Variants in RAD21 observed in about 807,000 individuals in gnomAD.
The protein encoded by RAD21 is double-strand-break repair protein rad21 homolog.
In RAD21, 18 loss-of-function variants were observed where a neutral mutation model predicts 71.5. That is an observed-to-expected ratio of 0.25 (90% CI 0.17 to 0.37). RAD21 has a LOEUF of 0.37. RAD21 is among the 10% of genes least tolerant of loss of function. The pLI, the probability that RAD21 is intolerant of heterozygous loss-of-function variation, is 1.00. For missense variants in RAD21, 493 were observed against 769.1 expected, an observed-to-expected ratio of 0.64 and a Z score of 4.25; for synonymous variants, 248 against 254.0, an observed-to-expected ratio of 0.98 and a Z score of 0.22.
chr8:116,858,639 A>G (rs796863480), intron 4 of RAD21, among the ~76,000 whole-genome samples, 181 bp from the exon 5 acceptor site: 89 of 152,360 alleles, frequency 5.8e-4, no homozygotes, highest in African/African-American at 2.0e-3. Context: ...TGATTTGGAA[A>G]TTAACTTGTA....
At position 116,856,302 on chromosome 8, in the gene RAD21, A is replaced by G; in HGVS notation, c.815-14T>C. 1 of 1,471,496 alleles carries G rather than the reference A, an allele frequency of 6.8e-7. No homozygotes were observed. 91.2% of individuals were successfully genotyped at this position (1,471,496 alleles called of 1,614,324 possible). On this transcript the variant is annotated splice_polypyrimidine_tract_variant and intron_variant, in intron 7 of 13. Transcript: ENST00000297338. ...CAGGCCCACCCACTGTAAAAAAAAA[A>G]AAAAAAAAAAAAAGTCACAAAAAGC... is the stretch of plus-strand genomic sequence containing the variant.
chr8:116,874,768 A>C lies in RAD21; in HGVS notation c.-190T>G, dbSNP rs576942699. ...CGCCTCCTTTCCGATTCACTCAAAC[A>C]AACAAGATGGCTGCCGTTACGCCGC... is the stretch of plus-strand genomic sequence containing the variant. On this transcript the variant is annotated 5_prime_UTR_variant, in exon 1 of 14. Transcript: ENST00000297338. 48 of 456,400 alleles carry C rather than the reference A, an allele frequency of 1.1e-4. 1 individual carries two copies. The highest frequency in any genetic ancestry group is 7.1e-4 in the South Asian group (46 of 64,522). The allele number at this position is 456,400 out of a possible 1,614,324, so 28.3% of individuals were successfully genotyped here.
At chr8:116,853,197 G>C (rs917420369) in intron 9 of RAD21, among the ~76,000 whole-genome samples, 1 of 152,024 alleles carries the variant, frequency 6.6e-6, no homozygotes, top group Non-Finnish European at 1.5e-5. Flanking sequence ...TTGTGCCTCA[G>C]CCTCCTGAGT....
At chr8:116,861,584 G>A (rs1451051423) in intron 4 of RAD21, among the ~76,000 whole-genome samples, 1 of 151,668 alleles carries the variant, frequency 6.6e-6, no homozygotes, top group Non-Finnish European at 1.5e-5. Flanking sequence ...ATCTGTTTCA[G>A]TTTACGTAAG....
chr8:116,857,227 A>T, intron 6 of RAD21, 40 bp downstream of exon 6: 1 of 1,548,932 alleles, frequency 6.5e-7, no homozygotes, highest in South Asian at 1.1e-5. Flanking sequence ...CTTAATAAAG[A>T]AATTCTGTTT....
intron 13 of RAD21, 104 bp downstream of exon 13, chr8:116,848,842 C>A: frequency 2.6e-6 from 2 of 763,438 alleles, no homozygotes; most frequent in South Asian, 5.6e-5. Flanking sequence ...AAAAGTTTGA[C>A]AAAGGTATGC....
chr8:116,870,532 T>A (rs1375938157), intron 1 of RAD21, among the ~76,000 whole-genome samples: 1 of 152,246 alleles, frequency 6.6e-6, no homozygotes, highest in Non-Finnish European at 1.5e-5. Context: ...GAGAGCCTCC[T>A]ATGTTTCAAA....
rs920523730 is a variant in RAD21, at chr8:116,846,466, G to A, written c.*1034C>T. 5 of 226,272 alleles carry A rather than the reference G, an allele frequency of 2.2e-5. No homozygotes were observed. The highest frequency in any genetic ancestry group is 1.7e-4 in the Admixed American group (3 of 17,520). The allele number at this position is 226,272 out of a possible 1,614,324, so 14.0% of individuals were successfully genotyped here. ...GTATTTTTCTTCAATTAAATTACAGGAAACTGGATATAGGATTTCGTTGCA... is the reference window on the plus strand; with the variant it reads ...GTATTTTTCTTCAATTAAATTACAGAAAACTGGATATAGGATTTCGTTGCA... On this transcript the variant is annotated 3_prime_UTR_variant, in exon 14 of 14. Transcript: ENST00000297338.
At chr8:116,863,678 T>TGAA (rs1396529036) in intron 2 of RAD21, among the ~76,000 whole-genome samples, 9 of 152,076 alleles carry the variant, frequency 5.9e-5, no homozygotes, top group South Asian at 2.1e-4. Context: ...GAGTAATAGG[T>TGAA]GAAGTATGCC....
At chr8:116,870,077 T>A (rs1200725392) in intron 1 of RAD21, among the ~76,000 whole-genome samples, 1 of 152,206 alleles carries the variant, frequency 6.6e-6, no homozygotes, top group African/African-American at 2.4e-5. Context: ...TTCCATCACT[T>A]AAGAGTAAAG....
Position 116,857,390 on chromosome 8 carries a change from A to T in RAD21, c.565T>A (p.Ser189Thr), listed in dbSNP as rs778115340. The change falls in exon 6 of 14, where the codon TCT becomes ACT. Residue 189 changes from serine (S) to threonine (T), a missense_variant. Coordinates refer to ENST00000297338, the MANE Select transcript of RAD21 (RefSeq NM_006265.3). ...DDDMLVSTTT[S>T]NLLLESEQST... ...TGTTCAGACTCTAATAGGAGGTTAGAAGTAGTAGTGCTTACTAACATGTCG... is the reference window on the plus strand; with the variant it reads ...TGTTCAGACTCTAATAGGAGGTTAGTAGTAGTAGTGCTTACTAACATGTCG... 7.4e-6 allele frequency: 12 copies of T among 1,613,226 alleles called. No homozygotes were observed. The highest frequency in any genetic ancestry group is 1.3e-5 in the African/African-American group (1 of 74,998).
At chr8:116,857,145 T>C (rs968692579) in intron 6 of RAD21, 122 bp downstream of exon 6, 17 of 812,662 alleles carry the variant, frequency 2.1e-5, no homozygotes, top group Non-Finnish European at 3.3e-5. Flanking sequence ...AACCAACTGA[T>C]CACAATTCAC....
At position 116,846,768 on chromosome 8, in the gene RAD21, A is replaced by G. The variant is rs1812260406; in HGVS notation, c.*732T>C. On this transcript the variant is annotated 3_prime_UTR_variant, in exon 14 of 14. Transcript: ENST00000297338. The stretch of plus-strand genomic sequence containing the variant: ...TGTTTTTTAATAGTCACTCTACTCT[A>G]ATCAGGCCTAGCTTTGCTCATTTTG... 1 of 219,510 alleles carries G rather than the reference A, an allele frequency of 4.6e-6. No homozygotes were observed. Among genetic ancestry groups the G allele is most frequent in the African/African-American group, 2.2e-5 (1 of 44,536 alleles). 13.6% of individuals were successfully genotyped at this position (219,510 alleles called of 1,614,324 possible). A position where few individuals can be genotyped will look rare whatever the true frequency, so the allele number is the denominator to read the frequency against.
At chr8:116,850,820 A>C in intron 11 of RAD21, 53 bp from the exon 12 acceptor site, 1 of 1,263,086 alleles carries the variant, frequency 7.9e-7, no homozygotes, top group Non-Finnish European at 1.1e-6. Flanking sequence ...AAAGTAGCTT[A>C]TTTTAAATAT....
chr8:116,857,250 C>CG lies in RAD21; in HGVS notation c.688+16_688+17insC, dbSNP rs1332782265. 6.3e-7 allele frequency: 1 copy of CG among 1,580,288 alleles called. No homozygotes were observed. The highest frequency in any genetic ancestry group is 1.4e-5 in the African/African-American group (1 of 73,928). ...AGAAATTCTGTTTATGCTGGAATAA[C>CG]CATCATTCCCACATACCTAATATTC... On this transcript the variant is annotated intron_variant, in intron 6 of 13. Coordinates refer to ENST00000297338, the MANE Select transcript of RAD21 (RefSeq NM_006265.3).
chr8:116,856,425 G>GT, intron 7 of RAD21, 137 bp from the exon 8 acceptor site: 1 of 1,289,598 alleles, frequency 7.8e-7, no homozygotes, highest in East Asian at 2.9e-5. Context: ...TATTTTTCTA[G>GT]TTAATGGGAA....
At position 116,856,198 on chromosome 8, in the gene RAD21, T is replaced by TA. The variant is rs761279752; in HGVS notation, c.904_905insT (p.Glu302ValfsTer9). 1 of 1,609,664 alleles carries TA rather than the reference T, an allele frequency of 6.2e-7. No homozygotes were observed. Among genetic ancestry groups the TA allele is most frequent in the Non-Finnish European group, 8.5e-7 (1 of 1,178,158 alleles). ...ATCAATAGGCTCCAATGCAAATGCT[T>TA]CTTCCTCATTTGGAACAAGTGTTGT... On this transcript the variant is annotated frameshift_variant, in exon 8 of 14. Transcript: ENST00000297338. LOFTEE classifies it high-confidence loss of function.
In RAD21 at chr8:116,872,417, T is replaced by G. The variant is rs932887688; in HGVS notation, c.-33+2194A>C. Among the ~76,000 whole-genome samples the G allele has an allele frequency of 2.0e-5, 3 of 152,156 alleles. No individual in the cohort carries two copies. In the South Asian group the frequency reaches 6.2e-4, roughly 32 times the overall value. On this transcript the variant is annotated intron_variant, in intron 1 of 13. Transcript: ENST00000297338. ...CTTTCTCTATATATTTACGAGTTCTTGAATAAGCTTAAAATACCTGTGGCG... is the reference window on the plus strand; with the variant it reads ...CTTTCTCTATATATTTACGAGTTCTGGAATAAGCTTAAAATACCTGTGGCG...
chr8:116,873,556 T>C (rs373316506), intron 1 of RAD21, among the ~76,000 whole-genome samples: 1 of 152,086 alleles, frequency 6.6e-6, no homozygotes, highest in Middle Eastern at 3.2e-3. Context: ...ACCAGTATAA[T>C]GACAACAAAG....
Sources: allele counts gnomAD v4.1 joint callset (sites outside exome capture counted in the v4.1 genomes callset), GRCh38; gene constraint gnomAD v4.1.1; transcripts MANE v1.5; gene names NCBI Gene and HGNC (gene_info 2026-07-23, HGNC 2026-07-21).